Variants in LEKR1 observed in about 807,000 individuals in gnomAD.
LEKR1 encodes the protein protein LEKR1.
A neutral mutation model predicts 72.4 loss-of-function variants in LEKR1; 59 were observed. The ratio of observed to expected loss-of-function variants is 0.82; its 90% CI spans 0.66 to 1.01. The LOEUF is 1.01. LEKR1 is among the 50% of genes least tolerant of loss of function. The probability of loss-of-function intolerance (pLI) is 0.00; values close to 1 mark genes in which losing one functional copy is unlikely to be tolerated. For synonymous variants in LEKR1, 257 were observed against 263.2 expected (o/e 0.98, Z 0.23); for missense variants, 728 against 759.2 (o/e 0.96, Z 0.48).
chr3:157,005,223 AT>A (rs1732327954), intron 9 of LEKR1, among the ~76,000 whole-genome samples: 1 of 152,058 alleles, frequency 6.6e-6, no homozygotes, highest in African/African-American at 2.4e-5. Context: ...GATGGACAAA[AT>A]TTTTTAAACA....
chr3:157,033,344 GA>G (rs1734751987), intron 12 of LEKR1, among the ~76,000 whole-genome samples: 1 of 152,170 alleles, frequency 6.6e-6, no homozygotes, highest in Non-Finnish European at 1.5e-5. Context: ...GAATGCAAAG[GA>G]AAAGTTCTTG....
rs1302436916 is a variant in LEKR1, at chr3:156,996,768, TAA to T, written c.1109+3495_1109+3496del. 3.4e-4 allele frequency among the ~76,000 whole-genome samples: 52 copies of T among 152,100 alleles called. 1 individual carries two copies. On this transcript the variant is annotated intron_variant, in intron 9 of 12. Transcript: ENST00000356539. ...CTTACTCCATGGTGAGCCTAAGGGT[TAA>T]AAAGATCTTCTCATTCGGGCATGGT...
chr3:157,010,556 G>A (rs188829544), intron 9 of LEKR1, among the ~76,000 whole-genome samples: 1 of 152,150 alleles, frequency 6.6e-6, no homozygotes, highest in Non-Finnish European at 1.5e-5. Context: ...GAGCTAAAAG[G>A]AAGAGAGTGA....
chr3:157,032,525 T>C (rs1734689662), intron 12 of LEKR1, among the ~76,000 whole-genome samples: 1 of 152,144 alleles, frequency 6.6e-6, no homozygotes, highest in Non-Finnish European at 1.5e-5. Flanking sequence ...TAATAAAAAG[T>C]GAATAAATCC....
At chr3:156,968,732 G>A (rs140022513) in intron 6 of LEKR1, among the ~76,000 whole-genome samples, 64,787 of 151,964 alleles carry the variant, frequency 0.43, 16,056 homozygotes, top group East Asian at 0.73. Context: ...AAGTTAACAA[G>A]GATATCCAGG....
intron 6 of LEKR1, among the ~76,000 whole-genome samples, chr3:156,961,242 C>T (rs574030946): frequency 6.6e-6 from 1 of 152,278 alleles, no homozygotes; most frequent in Non-Finnish European, 1.5e-5. Flanking sequence ...ATTTTAACAT[C>T]CTAATTGAAT....
At chr3:157,009,696 C>T (rs1420129760) in intron 9 of LEKR1, among the ~76,000 whole-genome samples, 1 of 151,998 alleles carries the variant, frequency 6.6e-6, no homozygotes, top group East Asian at 1.9e-4. Flanking sequence ...CTTCCATTGA[C>T]ATATGTGGTG....
chr3:156,974,294 C>T (rs1467494367), intron 6 of LEKR1, among the ~76,000 whole-genome samples: 1 of 152,112 alleles, frequency 6.6e-6, no homozygotes, highest in African/African-American at 2.4e-5. Context: ...TGTAGTTTAA[C>T]TTGATTTGTG....
At chr3:156,846,585 T>C (rs1345589836) in intron 2 of LEKR1, among the ~76,000 whole-genome samples, 2 of 152,260 alleles carry the variant, frequency 1.3e-5, no homozygotes, top group Non-Finnish European at 2.9e-5. Flanking sequence ...GAGCTTGAAG[T>C]ATATATTGCC....
At chr3:156,884,508 A>G (rs2108554148) in intron 3 of LEKR1, among the ~76,000 whole-genome samples, 1 of 152,274 alleles carries the variant, frequency 6.6e-6, no homozygotes, top group East Asian at 1.9e-4. Flanking sequence ...TGTTTGACTG[A>G]AAAAGACTTT....
intron 3 of LEKR1, among the ~76,000 whole-genome samples, chr3:156,866,647 A>G (rs189111403): frequency 6.6e-6 from 1 of 152,158 alleles, no homozygotes; most frequent in East Asian, 1.9e-4. Flanking sequence ...TAGTGCTTAC[A>G]TAACTTATTT....
At chr3:156,940,699 G>A (rs1229208485) in intron 5 of LEKR1, among the ~76,000 whole-genome samples, 1 of 152,122 alleles carries the variant, frequency 6.6e-6, no homozygotes, top group Admixed American at 6.6e-5. Flanking sequence ...AAATCTTGAT[G>A]TACTTTTCCA....
At chr3:157,019,932 TAA>T (rs1482983759) in intron 10 of LEKR1, among the ~76,000 whole-genome samples, 1 of 152,224 alleles carries the variant, frequency 6.6e-6, no homozygotes, top group Non-Finnish European at 1.5e-5. Context: ...GCAGCTTTCC[TAA>T]GTGTTTGAAA....
At position 156,956,442 on chromosome 3, in the gene LEKR1, A is replaced by G. The variant is rs1727640481; in HGVS notation, c.745+13728A>G. On this transcript the variant is annotated intron_variant, in intron 6 of 12. Transcript: ENST00000356539. ...GATGTTCTGCTGCTGCGAAAATGGC[A>G]GTATATATCTTTAGAACAGTGTAGC... Among the ~76,000 whole-genome samples, 4 of 152,046 alleles carry G rather than the reference A, an allele frequency of 2.6e-5. No individual in the cohort carries two copies. The South Asian group carries it at 8.3e-4, about 31-fold the overall frequency.
chr3:156,993,685 T>C (rs899868949), intron 9 of LEKR1, among the ~76,000 whole-genome samples: 2 of 152,210 alleles, frequency 1.3e-5, no homozygotes, highest in Non-Finnish European at 2.9e-5. Flanking sequence ...ACTTTTCTTC[T>C]CTCCTCCTTG....
At chr3:156,988,948 C>T (rs2108006745) in intron 7 of LEKR1, among the ~76,000 whole-genome samples, 1 of 152,250 alleles carries the variant, frequency 6.6e-6, no homozygotes, top group East Asian at 1.9e-4. Flanking sequence ...TCTCCTGCCT[C>T]AGCCTCCCGA....
Position 156,826,381 on chromosome 3 carries a change from G to C in LEKR1, c.-45+5G>C, listed in dbSNP as rs1338393379. The C allele has an allele frequency of 1.0e-4, 16 of 152,882 alleles. No homozygotes were observed. 9.5% of individuals were successfully genotyped at this position (152,882 alleles called of 1,614,324 possible). A position where few individuals can be genotyped will look rare whatever the true frequency, so the allele number is the denominator to read the frequency against. On this transcript the variant is annotated splice_donor_5th_base_variant and intron_variant, in intron 1 of 12. Transcript: ENST00000356539. ...CCCGTCCTAGTCGAAGTCGAGGTGA[G>C]GGACGATGGCTTTCCTCAGCCTGGG...
At chr3:156,984,073 G>A (rs1192194657) in intron 7 of LEKR1, among the ~76,000 whole-genome samples, 3 of 152,128 alleles carry the variant, frequency 2.0e-5, no homozygotes, top group East Asian at 1.9e-4. Context: ...AAGAACAGAC[G>A]GTTATGGCAG....
intron 2 of LEKR1, among the ~76,000 whole-genome samples, chr3:156,838,840 C>T (rs1040400029): frequency 1.3e-5 from 2 of 152,134 alleles, no homozygotes; most frequent in African/African-American, 2.4e-5. Context: ...GACCCCCAAA[C>T]TTATAATAGC....
Sources: allele counts gnomAD v4.1 joint callset (sites outside exome capture counted in the v4.1 genomes callset), GRCh38; gene constraint gnomAD v4.1.1; transcripts MANE v1.5; gene names NCBI Gene and HGNC (gene_info 2026-07-23, HGNC 2026-07-21).